The following PTGR2 variants were observed in gnomAD, a reference collection of about 807,000 sequenced individuals.
PTGR2 encodes the protein prostaglandin reductase 2, also known as 15-oxoprostaglandin 13-reductase.
In PTGR2, 32 loss-of-function variants were observed where a neutral mutation model predicts 43.4. That is an observed-to-expected ratio of 0.74 (90% CI 0.56 to 0.99). The LOEUF (loss-of-function observed/expected upper bound fraction) is 0.99, where lower values mean the gene tolerates loss of function less well. Ranked by LOEUF, PTGR2 falls within the 50% of genes least tolerant of loss-of-function variation. The pLI is 0.00. For missense variants in PTGR2, 373 were observed against 420.0 expected (o/e 0.89, Z 0.98); for synonymous variants, 106 against 139.2 (o/e 0.76, Z 1.68).
Position 73,860,628 on chromosome 14 carries a change from A to T in PTGR2, c.127A>T (p.Thr43Ser). Reference protein sequence around the residue: ...NINEGQVQVRTLYLSVDPYMR... With the variant: ...NINEGQVQVRSLYLSVDPYMR... ...TAATGAAGGACAAGTACAAGTTAGA[A>T]CTCTTTATCTTTCTGTGGATCCTTA... The change falls in exon 3 of 10, where the codon ACT becomes TCT. Residue 43 changes from threonine to serine, a missense_variant. Transcript: ENST00000555661. The T allele has an allele frequency of 3.3e-6, 5 of 1,511,734 alleles. No individual in the cohort carries two copies. The highest frequency in any genetic ancestry group is 4.6e-6 in the Non-Finnish European group (5 of 1,097,488). 93.6% of individuals were successfully genotyped at this position (1,511,734 alleles called of 1,614,324 possible). A position where few individuals can be genotyped will look rare whatever the true frequency, so the allele number is the denominator to read the frequency against.
chr14:73,884,407 C>G lies in PTGR2; in HGVS notation c.*230C>G. On this transcript the variant is annotated 3_prime_UTR_variant, in exon 10 of 10. Coordinates refer to ENST00000555661, the MANE Select transcript of PTGR2 (RefSeq NM_001146154.2). ...ACTTTTATTAATTTAAAATAGAACG[C>G]TTGAGAGGCACTTTGTAAAGATTTG... The G allele has an allele frequency of 3.3e-6, 1 of 304,034 alleles. No homozygotes were observed. Among genetic ancestry groups the G allele is most frequent in the Non-Finnish European group, 5.9e-6 (1 of 169,530 alleles). 18.8% of individuals were successfully genotyped at this position (304,034 alleles called of 1,614,324 possible). A position where few individuals can be genotyped will look rare whatever the true frequency, so the allele number is the denominator to read the frequency against.
chr14:73,879,308 T>G lies in PTGR2; in HGVS notation c.729+3T>G. 2 of 1,612,562 alleles carry G rather than the reference T, an allele frequency of 1.2e-6. No homozygotes were observed. The highest frequency in any genetic ancestry group is 1.7e-6 in the Non-Finnish European group (2 of 1,178,744). ...TCAGTGATACAGTGATAAGTCAGGT[T>G]GTTTGCTGATTTCTATAACAAATTT... On this transcript the variant is annotated splice_donor_region_variant and intron_variant, in intron 6 of 9. Transcript: ENST00000555661.
intron 3 of PTGR2, among the ~76,000 whole-genome samples, chr14:73,864,984 G>T (rs8014409): frequency 0.34 from 51,945 of 151,966 alleles, 9,848 homozygotes; most frequent in Non-Finnish European, 0.42. Flanking sequence ...CTATGTATGC[G>T]TATGAGGAAG....
At chr14:73,878,768 C>CTAAG (rs1166573666) in intron 5 of PTGR2, 1 of 346,692 alleles carries the variant, frequency 2.9e-6, no homozygotes. Context: ...GTAGGCTAGG[C>CTAAG]TAAGCTATGA....
chr14:73,882,649 TG>T (rs1357969223), intron 9 of PTGR2, among the ~76,000 whole-genome samples: 8 of 150,520 alleles, frequency 5.3e-5, no homozygotes, highest in African/African-American at 1.5e-4. Context: ...TACAGGCGCC[TG>T]CCACCACGCC....
At chr14:73,870,012 C>CAGAG (rs113841997) in intron 3 of PTGR2, among the ~76,000 whole-genome samples, 73,038 of 150,052 alleles carry the variant, frequency 0.49, 17,958 homozygotes, top group South Asian at 0.61. Context: ...GCTTGAGTGA[C>CAGAG]AGAGACTCCG....
At chr14:73,880,268 T>C in intron 7 of PTGR2, 92 bp downstream of exon 7, 1 of 1,488,136 alleles carries the variant, frequency 6.7e-7, no homozygotes, top group Non-Finnish European at 9.3e-7. Context: ...ATAGACACTT[T>C]TTCTTTATTA....
chr14:73,871,071 C>T (rs1381671431), intron 3 of PTGR2, among the ~76,000 whole-genome samples: 2 of 152,180 alleles, frequency 1.3e-5, no homozygotes, highest in Non-Finnish European at 2.9e-5. Flanking sequence ...ACCATATGAT[C>T]AGAGGGTTGG....
chr14:73,859,747 G>A (rs147756160), intron 2 of PTGR2, among the ~76,000 whole-genome samples: 12 of 149,846 alleles, frequency 8.0e-5, no homozygotes, highest in Admixed American at 5.3e-4. Context: ...AAGTTTAGCC[G>A]CGCTCCATCC....
rs1205341919 is a variant in PTGR2 at position 73,870,182 on chromosome 14, T to C, written c.157-3841T>C. On this transcript the variant is annotated intron_variant, in intron 3 of 9. Coordinates refer to ENST00000555661, the MANE Select transcript of PTGR2 (RefSeq NM_001146154.2). ...ACCCCAACTCTAAAAAATAGAAAAA[T>C]CTTAAGCAACCTTTTTTTTTTTTTT... Among the ~76,000 whole-genome samples the C allele has an allele frequency of 6.2e-5, 9 of 145,802 alleles. No homozygotes were observed. In the East Asian group the frequency reaches 1.8e-3, roughly 29 times the overall value.
intron 5 of PTGR2, chr14:73,878,868 G>T: frequency 2.0e-6 from 1 of 502,942 alleles, no homozygotes; most frequent in Admixed American, 3.7e-5. Flanking sequence ...CCTATCATAA[G>T]TTGAGGAACA....
rs1244344054 is a variant in PTGR2, at chr14:73,884,533, AG to A, written c.*357del. On this transcript the variant is annotated 3_prime_UTR_variant, in exon 10 of 10. Transcript: ENST00000555661. Reference sequence around the variant, plus strand: ...TTAATAACTTTTATTAATTTAAAATAGAATGCTTAAAATAAAATAGAATGCT... The same window carrying A: ...TTAATAACTTTTATTAATTTAAAATAAATGCTTAAAATAAAATAGAATGCT... The A allele has an allele frequency of 6.5e-6, 1 of 153,624 alleles. No individual in the cohort carries two copies. The highest frequency in any genetic ancestry group is 1.4e-5 in the Non-Finnish European group (1 of 69,100). The allele number at this position is 153,624 out of a possible 1,614,324, so 9.5% of individuals were successfully genotyped here.
At chr14:73,857,029 T>C (rs117377452) in intron 1 of PTGR2, among the ~76,000 whole-genome samples, 170 of 152,194 alleles carry the variant, frequency 1.1e-3, no homozygotes, top group Non-Finnish European at 1.9e-3. Context: ...CCCAGCACTT[T>C]GGGAGGTCGA....
At chr14:73,853,167 T>C (rs760847215) in intron 1 of PTGR2, among the ~76,000 whole-genome samples, 8 of 151,860 alleles carry the variant, frequency 5.3e-5, no homozygotes, top group Non-Finnish European at 1.2e-4. Flanking sequence ...GGGTTGCTAG[T>C]GGCAGAATAA....
chr14:73,880,081 G>T lies in PTGR2; in HGVS notation c.756G>T (p.Leu252=). 6.2e-7 allele frequency: 1 copy of T among 1,613,434 alleles called. No homozygotes were observed. The change falls in exon 7 of 10, where the codon CTG becomes CTT. Residue 252 remains leucine (L), a synonymous_variant. Coordinates refer to ENST00000555661, the MANE Select transcript of PTGR2 (RefSeq NM_001146154.2). ...SQMNENSHII[L]CGQISQYNKD... ...TGAATGAGAACAGCCACATCATCCT[G>T]TGTGGTCAAATTTCTCAGTACAACA...
At chr14:73,866,724 A>G (rs576388346) in intron 3 of PTGR2, among the ~76,000 whole-genome samples, 2 of 152,258 alleles carry the variant, frequency 1.3e-5, no homozygotes, top group South Asian at 4.2e-4. Context: ...GGTGGACTGA[A>G]AAAAGCAGAT....
chr14:73,883,109 C>T (rs1007623453), intron 9 of PTGR2, among the ~76,000 whole-genome samples: 1 of 150,892 alleles, frequency 6.6e-6, no homozygotes, highest in Non-Finnish European at 1.5e-5. Flanking sequence ...GCGTGAGCCA[C>T]CGCACAGGCC....
chr14:73,883,450 T>C (rs1229327439), intron 9 of PTGR2, among the ~76,000 whole-genome samples: 1 of 151,068 alleles, frequency 6.6e-6, no homozygotes, highest in Non-Finnish European at 1.5e-5. Flanking sequence ...TGCCTCAGCC[T>C]CCCAAAGTGC....
chr14:73,857,874 T>G (rs1406603143), intron 1 of PTGR2, among the ~76,000 whole-genome samples: 1 of 151,548 alleles, frequency 6.6e-6, no homozygotes, highest in Non-Finnish European at 1.5e-5. Context: ...TTTCACCATG[T>G]TAGGCAGGAT....
Sources: gnomAD v4.1 joint callset for allele counts (sites outside exome capture counted in the v4.1 genomes callset) on GRCh38, gnomAD v4.1.1 for gene constraint, MANE v1.5 for transcripts, NCBI Gene and HGNC (gene_info 2026-07-23, HGNC 2026-07-21) for gene names.